Variants in ITGA9 observed in about 807,000 individuals in gnomAD.
The protein encoded by ITGA9 is integrin alpha-9.
Under a neutral mutation model 127.8 loss-of-function variants are expected in ITGA9, and 56 were observed. That is an observed-to-expected ratio of 0.44 (90% CI 0.35 to 0.55). The LOEUF is 0.55. Ranked by LOEUF, ITGA9 falls within the 20% of genes least tolerant of loss-of-function variation. ITGA9 has a pLI of 0.00. For synonymous variants in ITGA9, 508 were observed against 514.5 expected (o/e 0.99, Z 0.17); for missense variants, 1,196 against 1,347.1 (o/e 0.89, Z 1.76).
At chr3:37,720,739 T>A (rs558391412) in intron 18 of ITGA9, among the ~76,000 whole-genome samples, 1 of 152,330 alleles carries the variant, frequency 6.6e-6, no homozygotes, top group Admixed American at 6.5e-5. Context: ...GCTTCTTAAT[T>A]TCATATCCTG....
At chr3:37,692,743 A>G (rs1700845478) in intron 18 of ITGA9, among the ~76,000 whole-genome samples, 1 of 152,198 alleles carries the variant, frequency 6.6e-6, no homozygotes, top group Non-Finnish European at 1.5e-5. Flanking sequence ...CACGTAATAC[A>G]TAATAGCGAA....
At chr3:37,671,353 A>G (rs927989078) in intron 17 of ITGA9, among the ~76,000 whole-genome samples, 3 of 152,208 alleles carry the variant, frequency 2.0e-5, no homozygotes, top group African/African-American at 7.2e-5. Flanking sequence ...CTTGAGGGAC[A>G]GGGAGGGGCC....
chr3:37,784,440 C>G lies in ITGA9; in HGVS notation c.2788-537C>G, dbSNP rs1201299623. 2.0e-5 allele frequency among the ~76,000 whole-genome samples: 3 copies of G among 152,122 alleles called. No homozygotes were observed. In the East Asian group the frequency reaches 5.8e-4, roughly 29 times the overall value. On this transcript the variant is annotated intron_variant, in intron 25 of 27. Transcript: ENST00000264741. Reference sequence around the variant, plus strand: ...TCATAAGCCAGATATTTACCCCTTCCCCATCTCTCCATCAGGCATCCTCTT... The same window carrying G: ...TCATAAGCCAGATATTTACCCCTTCGCCATCTCTCCATCAGGCATCCTCTT...
At chr3:37,674,938 T>C (rs923043452) in intron 17 of ITGA9, among the ~76,000 whole-genome samples, 2 of 152,206 alleles carry the variant, frequency 1.3e-5, no homozygotes, top group Non-Finnish European at 2.9e-5. Flanking sequence ...CAGAAGGAGC[T>C]TGGGCCCCTG....
Position 37,638,728 on chromosome 3 carries a change from A to G in ITGA9, c.1839+9392A>G, listed in dbSNP as rs59261561. On this transcript the variant is annotated intron_variant, in intron 16 of 27. Coordinates refer to ENST00000264741, the MANE Select transcript of ITGA9 (RefSeq NM_002207.3). ...CATGTTGGTACCCAGGACTATACAG[A>G]AGGGTGGATCAAATCATGATGACCT... is the stretch of plus-strand genomic sequence containing the variant. 1.4e-3 allele frequency among the ~76,000 whole-genome samples: 215 copies of G among 152,318 alleles called. 1 individual carries two copies. The highest frequency in any genetic ancestry group is 4.8e-3 in the African/African-American group (199 of 41,584).
At chr3:37,785,477 G>T (rs920104568) in intron 26 of ITGA9, among the ~76,000 whole-genome samples, 1 of 151,926 alleles carries the variant, frequency 6.6e-6, no homozygotes, top group Non-Finnish European at 1.5e-5. Flanking sequence ...CTGTGTTTTG[G>T]TTTGGTTTGG....
intron 23 of ITGA9, among the ~76,000 whole-genome samples, chr3:37,777,141 C>T (rs76227402): frequency 0.025 from 3,810 of 152,316 alleles, 71 homozygotes; most frequent in Non-Finnish European, 0.037. Flanking sequence ...TTCCTAGTCA[C>T]ATCTCATTTG....
At chr3:37,778,628 A>G (rs1333082954) in intron 24 of ITGA9, among the ~76,000 whole-genome samples, 1 of 152,076 alleles carries the variant, frequency 6.6e-6, no homozygotes, top group Non-Finnish European at 1.5e-5. Context: ...AAAAAAAAAA[A>G]AAAATTATAA....
chr3:37,603,027 A>G (rs535896381), intron 15 of ITGA9, among the ~76,000 whole-genome samples: 2 of 152,360 alleles, frequency 1.3e-5, no homozygotes, highest in Non-Finnish European at 2.9e-5. Context: ...CTCTGGACCC[A>G]TGATATAATG....
intron 17 of ITGA9, among the ~76,000 whole-genome samples, chr3:37,682,524 C>A (rs1291485479): frequency 6.6e-6 from 1 of 152,164 alleles, no homozygotes; most frequent in Non-Finnish European, 1.5e-5. Flanking sequence ...AAATGTGAGT[C>A]CTCATTTCTA....
intron 5 of ITGA9, among the ~76,000 whole-genome samples, chr3:37,501,565 C>G (rs1698787365): frequency 6.6e-6 from 1 of 152,164 alleles, no homozygotes; most frequent in Non-Finnish European, 1.5e-5. Flanking sequence ...GGAAGTTCCT[C>G]ATGCCCCTTT....
intron 8 of ITGA9, among the ~76,000 whole-genome samples, chr3:37,512,623 C>G (rs1698944473): frequency 6.6e-6 from 1 of 152,128 alleles, no homozygotes. Flanking sequence ...ATTGTTTTTA[C>G]ACACGAAGAA....
chr3:37,760,379 G>T (rs1040505562), intron 23 of ITGA9, among the ~76,000 whole-genome samples: 4 of 151,976 alleles, frequency 2.6e-5, no homozygotes, highest in Non-Finnish European at 4.4e-5. Context: ...TTACAGTACA[G>T]ATTTTCCAAT....
chr3:37,453,992 G>A (rs943589438), intron 1 of ITGA9, among the ~76,000 whole-genome samples: 1 of 152,212 alleles, frequency 6.6e-6, no homozygotes, highest in Admixed American at 6.5e-5. Flanking sequence ...AGCGGAGCAG[G>A]CTGAACATTT....
chr3:37,709,214 T>G (rs1461395791), intron 18 of ITGA9, among the ~76,000 whole-genome samples: 2 of 152,186 alleles, frequency 1.3e-5, no homozygotes, highest in Admixed American at 6.5e-5. Context: ...CCTTTAGTTA[T>G]TTTTGTCTAA....
chr3:37,535,469 T>A (rs1397138198), intron 14 of ITGA9, among the ~76,000 whole-genome samples: 1 of 152,200 alleles, frequency 6.6e-6, no homozygotes, highest in African/African-American at 2.4e-5. Context: ...CCATCTAGCA[T>A]GAGCCTTTCA....
At chr3:37,671,723 G>A (rs111919260) in intron 17 of ITGA9, among the ~76,000 whole-genome samples, 18 of 152,200 alleles carry the variant, frequency 1.2e-4, no homozygotes, top group South Asian at 4.1e-4. Flanking sequence ...ATTGAGGTGC[G>A]TTACAGGGGT....
chr3:37,589,027 G>T (rs1422101864), intron 15 of ITGA9, among the ~76,000 whole-genome samples: 1 of 152,222 alleles, frequency 6.6e-6, no homozygotes, highest in African/African-American at 2.4e-5. Flanking sequence ...ACAGGCTGTG[G>T]TGCATATCTT....
chr3:37,740,057 G>C (rs550473537), intron 20 of ITGA9, among the ~76,000 whole-genome samples: 37 of 152,336 alleles, frequency 2.4e-4, no homozygotes, highest in Non-Finnish European at 5.0e-4. Context: ...GCCCTATGGG[G>C]TCAGCGTCAC....
Sources: allele counts gnomAD v4.1 joint callset (sites outside exome capture counted in the v4.1 genomes callset), GRCh38; gene constraint gnomAD v4.1.1; transcripts MANE v1.5; gene names NCBI Gene and HGNC (gene_info 2026-07-23, HGNC 2026-07-21).